EXT2: variants seen among roughly 807,000 people sequenced by gnomAD.
The protein encoded by EXT2 is exostosin-2.
In EXT2, 53 loss-of-function variants were observed where a neutral mutation model predicts 81.6. The ratio of observed to expected loss-of-function variants is 0.65; its 90% CI spans 0.52 to 0.82. The LOEUF is 0.82. EXT2 is among the 40% of genes least tolerant of loss of function. EXT2 has a pLI of 0.00. For missense variants in EXT2, 774 were observed against 910.2 expected (o/e 0.85, Z 1.93); for synonymous variants, 320 against 340.0 (o/e 0.94, Z 0.65).
At chr11:44,178,815 T>G (rs1204967347) in intron 8 of EXT2, among the ~76,000 whole-genome samples, 1 of 151,914 alleles carries the variant, frequency 6.6e-6, no homozygotes, top group South Asian at 2.1e-4. Context: ...AAAAAAAATG[T>G]ATGGAATTTA....
Position 44,131,470 on chromosome 11 carries a change from G to A in EXT2, c.1173+1332G>A, listed in dbSNP as rs557015374. 8.5e-5 allele frequency among the ~76,000 whole-genome samples: 13 copies of A among 152,266 alleles called. 1 individual carries two copies. The South Asian group carries it at 2.7e-3, about 32-fold the overall frequency. On this transcript the variant is annotated intron_variant, in intron 7 of 13. Coordinates refer to ENST00000533608, the MANE Select transcript of EXT2 (RefSeq NM_207122.2). ...GGATCTGCCTTCTCTGGGCCTCAGT[G>A]ACCTCATCTGTGCAATATTTTGGCA...
intron 4 of EXT2, among the ~76,000 whole-genome samples, chr11:44,119,277 C>T (rs978162468): frequency 6.6e-6 from 1 of 151,092 alleles, no homozygotes; most frequent in Admixed American, 6.6e-5. Flanking sequence ...CAGGAGGGCT[C>T]CATGACTCAG....
chr11:44,101,857 GGAATCTT>G (rs1953987192), intron 1 of EXT2, among the ~76,000 whole-genome samples: 1 of 151,902 alleles, frequency 6.6e-6, no homozygotes, highest in African/African-American at 2.4e-5. Flanking sequence ...TCACAACTGG[GGAATCTT>G]GACCCACTCT....
intron 9 of EXT2, among the ~76,000 whole-genome samples, chr11:44,201,762 C>G (rs1023698653): frequency 6.6e-6 from 1 of 152,110 alleles, no homozygotes; most frequent in East Asian, 1.9e-4. Context: ...GTTTTTCTTT[C>G]CTACCTCATT....
chr11:44,131,971 A>G (rs943209251), intron 7 of EXT2, among the ~76,000 whole-genome samples: 1 of 152,178 alleles, frequency 6.6e-6, no homozygotes, highest in East Asian at 1.9e-4. Context: ...CTTGACCCCA[A>G]GTGATCCGCC....
At position 44,107,914 on chromosome 11, in the gene EXT2, G is replaced by C. The variant is rs2134966368; in HGVS notation, c.202G>C (p.Val68Leu). Residue 68 changes from valine to leucine, a missense_variant, in exon 2 of 14, where the codon GTT becomes CTT. Val to Leu is a conservative substitution (Grantham distance 32). Around this residue, in one of 2 missense-constraint regions of EXT2, gnomAD observed 626 missense variants for 670.5 expected, o/e 0.93. Transcript: ENST00000533608. ...GAAGCGCAGCATCCGTGATGTGCCG[G>C]TTGTTAGGCTGCCAGCCGACAGTCC... is the stretch of plus-strand genomic sequence containing the variant. ...VEKRSIRDVP[V>L]VRLPADSPIP... 2 of 1,614,218 alleles carry C rather than the reference G, an allele frequency of 1.2e-6. No individual in the cohort carries two copies. The highest frequency in any genetic ancestry group is 1.7e-6 in the Non-Finnish European group (2 of 1,180,050).
intron 10 of EXT2, among the ~76,000 whole-genome samples, chr11:44,217,790 A>G (rs1393646084): frequency 2.6e-5 from 4 of 152,174 alleles, no homozygotes; most frequent in Non-Finnish European, 5.9e-5. Context: ...GACAGTTTAA[A>G]ACATGTGGCA....
chr11:44,114,580 G>C (rs573552562), intron 4 of EXT2, among the ~76,000 whole-genome samples: 3 of 152,264 alleles, frequency 2.0e-5, no homozygotes, highest in Admixed American at 6.5e-5. Flanking sequence ...TATCAAAGTA[G>C]GAAGTCGTAT....
intron 9 of EXT2, among the ~76,000 whole-genome samples, chr11:44,204,794 C>T (rs1371139735): frequency 6.6e-6 from 1 of 152,328 alleles, no homozygotes; most frequent in East Asian, 1.9e-4. Flanking sequence ...CCCGCCCCTC[C>T]TTCCCCTACA....
chr11:44,205,277 C>T (rs1029110871), intron 9 of EXT2, among the ~76,000 whole-genome samples: 1 of 152,206 alleles, frequency 6.6e-6, no homozygotes, highest in Non-Finnish European at 1.5e-5. Flanking sequence ...CCCCTTCCCT[C>T]TACTTATTCT....
At chr11:44,171,944 A>G (rs1056182986) in intron 8 of EXT2, 4 of 696,848 alleles carry the variant, frequency 5.7e-6, no homozygotes, top group African/African-American at 1.8e-5. Flanking sequence ...AGCAGCTTCC[A>G]GTGTGTTTTA....
chr11:44,158,586 AT>A (rs1277515380), intron 7 of EXT2, among the ~76,000 whole-genome samples: 15 of 150,856 alleles, frequency 9.9e-5, no homozygotes, highest in African/African-American at 3.4e-4. Flanking sequence ...TAATAAATTG[AT>A]TTTTATTAAA....
chr11:44,138,769 C>T (rs934335038), intron 7 of EXT2, among the ~76,000 whole-genome samples: 13 of 152,124 alleles, frequency 8.5e-5, no homozygotes, highest in Admixed American at 3.3e-4. Context: ...CCTGCTCTGC[C>T]GGGTGTGTAC....
At chr11:44,161,838 T>A (rs1001829543) in intron 7 of EXT2, among the ~76,000 whole-genome samples, 1 of 152,184 alleles carries the variant, frequency 6.6e-6, no homozygotes, top group Non-Finnish European at 1.5e-5. Context: ...TCTGTAGTAT[T>A]CTCCAAAATC....
rs557515914 is a variant in EXT2 at position 44,171,574 on chromosome 11, C to T, written c.1174-37C>T. 130 of 1,613,950 alleles carry T rather than the reference C, an allele frequency of 8.1e-5. No individual in the cohort carries two copies. In the South Asian group the frequency reaches 8.5e-4, roughly 10 times the overall value. Reference sequence around the variant, plus strand: ...AGTATCTAGTTTTCCCACTCTGTCTCGCTTGCTCACTTAAAACAGCATTAT... The same window carrying T: ...AGTATCTAGTTTTCCCACTCTGTCTTGCTTGCTCACTTAAAACAGCATTAT... On this transcript the variant is annotated intron_variant, in intron 7 of 13. Coordinates refer to ENST00000533608, the MANE Select transcript of EXT2 (RefSeq NM_207122.2).
chr11:44,236,384 G>T lies in EXT2; in HGVS notation c.2018+9G>T. On this transcript the variant is annotated intron_variant, in intron 13 of 13. Transcript: ENST00000533608. ...ACACACATGGTGGAGAGGTAAGTGA[G>T]CCTCCAACCAAAAGTGCGCCTTAGC... 1.2e-6 allele frequency: 2 copies of T among 1,613,356 alleles called. No individual in the cohort carries two copies. Among genetic ancestry groups the T allele is most frequent in the East Asian group, 2.2e-5 (1 of 44,872 alleles).
chr11:44,240,704 T>C (rs144044106), intron 13 of EXT2, among the ~76,000 whole-genome samples: 2 of 152,196 alleles, frequency 1.3e-5, no homozygotes, highest in South Asian at 2.1e-4. Context: ...GAAACAAATA[T>C]GGAAATAAAT....
chr11:44,168,682 G>A (rs114247574), intron 7 of EXT2, among the ~76,000 whole-genome samples: 3,453 of 152,282 alleles, frequency 0.023, 150 homozygotes, highest in African/African-American at 0.079. Context: ...GAACACAGTA[G>A]AAGTATATCT....
intron 7 of EXT2, among the ~76,000 whole-genome samples, chr11:44,152,377 G>A (rs1280108222): frequency 6.6e-6 from 1 of 152,104 alleles, no homozygotes; most frequent in Non-Finnish European, 1.5e-5. Context: ...TTTTGAGACA[G>A]TATCATTTCA....
Sources: allele counts gnomAD v4.1 joint callset (sites outside exome capture counted in the v4.1 genomes callset), GRCh38; gene constraint gnomAD v4.1.1; regional missense constraint gnomAD v4.1.1; transcripts MANE v1.5; gene names NCBI Gene and HGNC (gene_info 2026-07-23, HGNC 2026-07-21).